The following TUFT1 variants were observed in gnomAD, a reference collection of about 807,000 sequenced individuals.
TUFT1 encodes tuftelin 1, also known as tuftelin.
TUFT1 carries 43 observed loss-of-function variants against 57.8 expected under a neutral mutation model. The observed-to-expected ratio is 0.74, with a 90% confidence interval of 0.58 to 0.96. The LOEUF (loss-of-function observed/expected upper bound fraction) is 0.96. Among genes scored for constraint, TUFT1 ranks in the 40% least tolerant of loss-of-function variants. The probability of loss-of-function intolerance (pLI) is 0.00; values close to 1 mark genes in which losing one functional copy is unlikely to be tolerated. For missense variants in TUFT1, 459 were observed against 489.0 expected, an observed-to-expected ratio of 0.94 and a Z score of 0.58; for synonymous variants, 166 against 176.7, an observed-to-expected ratio of 0.94 and a Z score of 0.48.
At chr1:151,581,589 G>A (rs1666646827) in intron 12 of TUFT1, 55 bp from the exon 13 acceptor site, 1 of 1,568,494 alleles carries the variant, frequency 6.4e-7, no homozygotes, top group African/African-American at 1.4e-5. Flanking sequence ...TGTGAAGGGT[G>A]GGCCACAACA....
rs1260643758 is a variant in TUFT1 at position 151,543,325 on chromosome 1, A to ATGTG, written c.60+2900_60+2901insGTGT. On this transcript the variant is annotated intron_variant, in intron 1 of 12. Coordinates refer to ENST00000368849, the MANE Select transcript of TUFT1 (RefSeq NM_020127.3). ...TAGAACTTTTATTTCAGTTATATAT[A>ATGTG]TATGTGTGTGTGTGTGTGTGTGTGT... 1.1e-3 allele frequency among the ~76,000 whole-genome samples: 90 copies of ATGTG among 83,334 alleles called. 1 individual carries two copies. The highest frequency in any genetic ancestry group is 5.7e-3 in the Middle Eastern group (1 of 174). The allele number at this position is 83,334 out of a possible 152,430, so 54.7% of individuals were successfully genotyped here.
chr1:151,551,588 G>A (rs540692241), intron 1 of TUFT1, among the ~76,000 whole-genome samples: 1 of 152,260 alleles, frequency 6.6e-6, no homozygotes, highest in Non-Finnish European at 1.5e-5. Flanking sequence ...CAAGGGAGGA[G>A]AGGATACCCC....
intron 1 of TUFT1, chr1:151,545,806 C>T (rs1344063664): frequency 1.9e-6 from 1 of 532,268 alleles, no homozygotes; most frequent in South Asian, 1.4e-5. Context: ...ACCTGAGTAA[C>T]CTTTGCTAGT....
At chr1:151,577,725 T>C (rs1266047188) in intron 9 of TUFT1, among the ~76,000 whole-genome samples, 1 of 152,120 alleles carries the variant, frequency 6.6e-6, no homozygotes, top group African/African-American at 2.4e-5. Context: ...GTGTTGAGTA[T>C]AATAATCCCA....
At chr1:151,545,663 G>C (rs1665310515) in intron 1 of TUFT1, 1 of 332,298 alleles carries the variant, frequency 3.0e-6, no homozygotes, top group Non-Finnish European at 6.3e-6. Flanking sequence ...GTTTGGGCAA[G>C]GTTTGCTCCT....
Position 151,578,757 on chromosome 1 carries a change from G to A in TUFT1, c.855G>A (p.Arg285=), listed in dbSNP as rs1666558705. The A allele has an allele frequency of 3.2e-6, 5 of 1,583,066 alleles. No homozygotes were observed. The highest frequency in any genetic ancestry group is 1.3e-5 in the African/African-American group (1 of 74,446). ...ATLEKEVAGL[R]EKIHHLDDML... ...TGGAAAAGGAAGTGGCCGGGTTGCG[G>A]GAGAAGATCCACCACTTGGATGACA... Residue 285 remains arginine (R), a synonymous_variant, in exon 10 of 13, where the codon CGG becomes CGA. Transcript: ENST00000368849.
intron 1 of TUFT1, among the ~76,000 whole-genome samples, chr1:151,545,154 T>C (rs565994892): frequency 6.6e-6 from 1 of 152,002 alleles, no homozygotes; most frequent in Admixed American, 6.5e-5. Context: ...CTACTAAAAA[T>C]ACAAAATTAG....
At position 151,580,976 on chromosome 1, in the gene TUFT1, T is replaced by C; in HGVS notation, c.1043T>C (p.Ile348Thr). ...ATGCATGACCGGATGGAACACCTGATAGAAAAACAAATCAGTCATGGCAAC... is the reference window on the plus strand; with the variant it reads ...ATGCATGACCGGATGGAACACCTGACAGAAAAACAAATCAGTCATGGCAAC... ...LEMHDRMEHL[I>T]EKQISHGNFS... The change falls in exon 12 of 13, where the codon ATA becomes ACA. Residue 348 changes from isoleucine (I) to threonine (T), a missense_variant. Coordinates refer to ENST00000368849, the MANE Select transcript of TUFT1 (RefSeq NM_020127.3). The C allele has an allele frequency of 6.2e-7, 1 of 1,613,970 alleles. No individual in the cohort carries two copies. Among genetic ancestry groups the C allele is most frequent in the Non-Finnish European group, 8.5e-7 (1 of 1,180,006 alleles).
chr1:151,551,193 G>A (rs1665496375), intron 1 of TUFT1, among the ~76,000 whole-genome samples: 1 of 152,106 alleles, frequency 6.6e-6, no homozygotes, highest in African/African-American at 2.4e-5. Flanking sequence ...TCTTTGCTCA[G>A]TTTTTCCTTG....
At chr1:151,578,051 G>A (rs944149353) in intron 9 of TUFT1, among the ~76,000 whole-genome samples, 7 of 151,728 alleles carry the variant, frequency 4.6e-5, no homozygotes, top group South Asian at 2.1e-4. Context: ...AGAAAAGGTC[G>A]GAGAGGGAAA....
chr1:151,560,967 TGTG>T (rs1665866862), intron 1 of TUFT1, among the ~76,000 whole-genome samples: 1 of 102,244 alleles, frequency 9.8e-6, no homozygotes, highest in Non-Finnish European at 2.6e-5. Flanking sequence ...TGTGTGTGTG[TGTG>T]TGTGTGTGTG....
intron 1 of TUFT1, among the ~76,000 whole-genome samples, chr1:151,560,962 G>C (rs1302516659): frequency 9.2e-5 from 5 of 54,274 alleles, no homozygotes; most frequent in Non-Finnish European, 1.9e-4. Flanking sequence ...AGTATTGTGT[G>C]TGTGTGTGTG....
intron 3 of TUFT1, among the ~76,000 whole-genome samples, chr1:151,563,078 T>C (rs1329902080): frequency 6.6e-6 from 1 of 152,166 alleles, no homozygotes; most frequent in African/African-American, 2.4e-5. Flanking sequence ...GTAGAGACAG[T>C]CTCGCCTTGT....
At chr1:151,557,255 A>G (rs1665731428) in intron 1 of TUFT1, among the ~76,000 whole-genome samples, 1 of 152,106 alleles carries the variant, frequency 6.6e-6, no homozygotes, top group Non-Finnish European at 1.5e-5. Flanking sequence ...CTTCCTTTAC[A>G]TCCCTTTACC....
intron 6 of TUFT1, 61 bp from the exon 7 acceptor site, chr1:151,569,595 AC>A: frequency 7.3e-7 from 1 of 1,363,756 alleles, no homozygotes; most frequent in Admixed American, 1.7e-5. Flanking sequence ...GGGAGGGGGG[AC>A]CTTTTCTTAC....
rs767950199 is a variant in TUFT1, at chr1:151,581,883, G to A, written c.*176G>A. The stretch of plus-strand genomic sequence containing the variant: ...CCTGGCCACTCTAAGCTGGGCAGAC[G>A]GAGCACGAGCACCTATTCAAGGCAC... On this transcript the variant is annotated 3_prime_UTR_variant, in exon 13 of 13. Transcript: ENST00000368849. 7.5e-6 allele frequency: 5 copies of A among 663,658 alleles called. No homozygotes were observed. Among genetic ancestry groups the A allele is most frequent in the East Asian group, 2.7e-5 (1 of 36,774 alleles). 41.1% of individuals were successfully genotyped at this position (663,658 alleles called of 1,614,324 possible).
At chr1:151,564,826 A>G (rs961817265) in intron 5 of TUFT1, 13 of 462,002 alleles carry the variant, frequency 2.8e-5, no homozygotes, top group Non-Finnish European at 4.7e-5. Flanking sequence ...CAGCTTAAAC[A>G]TAAGTACACC....
intron 1 of TUFT1, among the ~76,000 whole-genome samples, chr1:151,548,008 A>G (rs1665392918): frequency 6.6e-6 from 1 of 152,186 alleles, no homozygotes; most frequent in Non-Finnish European, 1.5e-5. Context: ...ATAAAAATCA[A>G]ACACCTGTTT....
intron 1 of TUFT1, among the ~76,000 whole-genome samples, chr1:151,555,215 G>A (rs1270595270): frequency 2.0e-5 from 3 of 151,194 alleles, no homozygotes; most frequent in African/African-American, 7.3e-5. Context: ...TGTAATCCCA[G>A]CTACTCAGGA....
Sources: allele counts gnomAD v4.1 joint callset (sites outside exome capture counted in the v4.1 genomes callset), GRCh38; gene constraint gnomAD v4.1.1; transcripts MANE v1.5; gene names NCBI Gene and HGNC (gene_info 2026-07-23, HGNC 2026-07-21).